Variants in ADCY6 observed in about 807,000 individuals in gnomAD.
ADCY6 encodes the protein adenylate cyclase 6.
A neutral mutation model predicts 111.6 loss-of-function variants in ADCY6; 59 were observed. The ratio of observed to expected loss-of-function variants is 0.53; its 90% CI spans 0.43 to 0.66. The LOEUF (loss-of-function observed/expected upper bound fraction) is 0.66. ADCY6 is among the 30% of genes least tolerant of loss of function. The pLI, the probability that ADCY6 is intolerant of heterozygous loss-of-function variation, is 0.00. For synonymous variants in ADCY6, 576 were observed against 642.9 expected, an observed-to-expected ratio of 0.90 and a Z score of 1.57; for missense variants, 1,242 against 1,595.6, an observed-to-expected ratio of 0.78 and a Z score of 3.78.
chr12:48,781,619 C>G (rs887853535), intron 2 of ADCY6, among the ~76,000 whole-genome samples: 1 of 152,170 alleles, frequency 6.6e-6, no homozygotes, highest in Admixed American at 6.5e-5. Flanking sequence ...ACTGCCCAGT[C>G]GGGTTCTACT....
intron 1 of ADCY6, among the ~76,000 whole-genome samples, chr12:48,788,689 G>C (rs1185214019): frequency 6.6e-6 from 1 of 152,064 alleles, no homozygotes; most frequent in Non-Finnish European, 1.5e-5. Context: ...GCGGGCGACG[G>C]GGGTGGCGAG....
rs770375351 is a variant in ADCY6, at chr12:48,783,076, C to A, written c.359G>T (p.Arg120Leu). 6 of 1,612,666 alleles carry A rather than the reference C, an allele frequency of 3.7e-6. 1 individual carries two copies. In the Admixed American group the frequency reaches 1.0e-4, roughly 27 times the overall value. ...CGACTGGAACACCTGCACCAGACGGCGCCAGCAGGATCGCCCACTCCTGGG... is the reference window on the plus strand; with the variant it reads ...CGACTGGAACACCTGCACCAGACGGAGCCAGCAGGATCGCCCACTCCTGGG... The part of the protein sequence containing the change: ...AVPRSGRSCW[R>L]RLVQVFQSKQ... The change falls in exon 2 of 22, where the codon CGC (arginine) becomes CTC (leucine). Residue 120 changes from arginine (R) to leucine (L), a missense_variant. Around this residue, in one of 4 missense-constraint regions of ADCY6, gnomAD observed 362 missense variants for 377.2 expected, o/e 0.96. Transcript: ENST00000357869.
rs1941702178 is a variant in ADCY6, at chr12:48,776,362, C to T, written c.1536-12G>A. The T allele has an allele frequency of 6.2e-7, 1 of 1,614,154 alleles. No homozygotes were observed. Among genetic ancestry groups the T allele is most frequent in the African/African-American group, 1.3e-5 (1 of 75,038 alleles). ...TGATGTGGATGCGGCTGTATGTGGC[C>T]AAGAGGGTGAGACCCTGGCTCTCCC... On this transcript the variant is annotated splice_polypyrimidine_tract_variant and intron_variant, in intron 7 of 21. Coordinates refer to ENST00000357869, the MANE Select transcript of ADCY6 (RefSeq NM_015270.5). This position sits in a 1 kb window ranked among gnomAD's most constrained non-coding sequence, Gnocchi z 6.1.
chr12:48,778,017 C>T, intron 3 of ADCY6, 91 bp downstream of exon 3: 3 of 1,495,002 alleles, frequency 2.0e-6, no homozygotes, highest in South Asian at 1.3e-5. Context: ...TCACACTGTG[C>T]TGCACGGAAC....
rs372946297 is a variant in ADCY6, at chr12:48,770,836, G to A, written c.3186C>T (p.Tyr1062=). 4.2e-5 allele frequency: 68 copies of A among 1,614,144 alleles called. 1 individual carries two copies. The highest frequency in any genetic ancestry group is 1.6e-4 in the East Asian group (7 of 44,904). The change falls in exon 20 of 22, where the codon TAC becomes TAT. Residue 1062 remains tyrosine, a synonymous_variant. Transcript: ENST00000357869. ...GRSHITALAD[Y]AMRLMEQMKH... ...TCATCTGCTCCATGAGCCGCATGGC[G>A]TAGTCAGCCAGGGCAGTGATGTGGG... is the stretch of plus-strand genomic sequence containing the variant.
In ADCY6 at chr12:48,772,324, C is replaced by T; in HGVS notation, c.2758G>A (p.Ala920Thr). 6.2e-7 allele frequency: 1 copy of T among 1,613,816 alleles called. No homozygotes were observed. Among genetic ancestry groups the T allele is most frequent in the Non-Finnish European group, 8.5e-7 (1 of 1,179,844 alleles). ...YLHAQQVESTARLDFLWKLQA... is the reference protein window; with the variant it reads ...YLHAQQVESTTRLDFLWKLQA... Reference sequence around the variant, plus strand: ...AGTTTCCAGAGGAAGTCTAGGCGGGCAGTCGACTCCACCTGCTGAGCATGC... The same window carrying T: ...AGTTTCCAGAGGAAGTCTAGGCGGGTAGTCGACTCCACCTGCTGAGCATGC... Residue 920 changes from alanine to threonine, a missense_variant, in exon 18 of 22, where the codon GCC becomes ACC. Ala to Thr is a moderately conservative substitution (Grantham distance 58). Transcript: ENST00000357869.
Position 48,771,070 on chromosome 12 carries a change from T to G in ADCY6, c.3052-100A>C. The stretch of plus-strand genomic sequence containing the variant: ...CCACGCCTTGGCTGCCTTCCCCACT[T>G]CCCTGTCTCAAGAGCCCCCTTCCAG... On this transcript the variant is annotated intron_variant, in intron 19 of 21. Coordinates refer to ENST00000357869, the MANE Select transcript of ADCY6 (RefSeq NM_015270.5). The surrounding 1 kb of genome is among the most constrained non-coding windows in gnomAD (Gnocchi z 4.3). 8.3e-7 allele frequency: 1 copy of G among 1,209,902 alleles called. No individual in the cohort carries two copies. The highest frequency in any genetic ancestry group is 1.2e-6 in the Non-Finnish European group (1 of 857,808). 74.9% of individuals were successfully genotyped at this position (1,209,902 alleles called of 1,614,324 possible).
chr12:48,770,629 T>C, intron 20 of ADCY6, 137 bp downstream of exon 20: 1 of 806,046 alleles, frequency 1.2e-6, no homozygotes, highest in East Asian at 2.5e-5. Context: ...AATATCAGAC[T>C]TGATATAGGA....
In ADCY6 at chr12:48,771,566, G is replaced by A. The variant is rs1268922342; in HGVS notation, c.3051+144C>T. 3.7e-6 allele frequency: 5 copies of A among 1,344,846 alleles called. No individual in the cohort carries two copies. In the Admixed American group the frequency reaches 6.9e-5, roughly 19 times the overall value. The allele number at this position is 1,344,846 out of a possible 1,614,324, so 83.3% of individuals were successfully genotyped here. On this transcript the variant is annotated intron_variant, in intron 19 of 21. Transcript: ENST00000357869. The surrounding 1 kb of genome is among the most constrained non-coding windows in gnomAD (Gnocchi z 4.3). The stretch of plus-strand genomic sequence containing the variant: ...GACACCTTCATGGGTTCTTGCCTCT[G>A]CCTCCACTGTGCATACCCTTACCCC...
At chr12:48,769,589 C>CTTT (rs1372908998) in intron 20 of ADCY6, among the ~76,000 whole-genome samples, 10 of 138,848 alleles carry the variant, frequency 7.2e-5, no homozygotes, top group African/African-American at 2.4e-4. Flanking sequence ...CCTTTCTTTT[C>CTTT]TTTTTTTTTT....
At chr12:48,773,412 G>T in intron 16 of ADCY6, 57 bp downstream of exon 16, 1 of 1,567,880 alleles carries the variant, frequency 6.4e-7, no homozygotes, top group East Asian at 2.2e-5. Context: ...GGCTCACAGT[G>T]ACCTAGAAAG....
In ADCY6 at chr12:48,766,310, G is replaced by T. The variant is rs373941978; in HGVS notation, c.*2281C>A. 6.6e-6 allele frequency: 1 copy of T among 152,428 alleles called. No homozygotes were observed. Among genetic ancestry groups the T allele is most frequent in the African/African-American group, 2.4e-5 (1 of 41,370 alleles). The allele number at this position is 152,428 out of a possible 1,614,324, so 9.4% of individuals were successfully genotyped here. On this transcript the variant is annotated 3_prime_UTR_variant, in exon 22 of 22. Coordinates refer to ENST00000357869, the MANE Select transcript of ADCY6 (RefSeq NM_015270.5). ...GTTACATTATAAAACCAAAGCCCAC[G>T]GCCTCCCACCTCCTGACTCCTCTAC...
rs1343417752 is a variant in ADCY6 at position 48,772,146 on chromosome 12, G to T, written c.2787+149C>A. On this transcript the variant is annotated intron_variant, in intron 18 of 21. Coordinates refer to ENST00000357869, the MANE Select transcript of ADCY6 (RefSeq NM_015270.5). ...GGGGGCAGGTAGAGGATGGGGCAGGGAGTAAGGGATGGGCACAGAGAAGGA... is the reference window on the plus strand; with the variant it reads ...GGGGGCAGGTAGAGGATGGGGCAGGTAGTAAGGGATGGGCACAGAGAAGGA... 6 of 1,394,392 alleles carry T rather than the reference G, an allele frequency of 4.3e-6. No homozygotes were observed. In the East Asian group the frequency reaches 1.2e-4, roughly 27 times the overall value. 86.4% of individuals were successfully genotyped at this position (1,394,392 alleles called of 1,614,324 possible). A position where few individuals can be genotyped will look rare whatever the true frequency, so the allele number is the denominator to read the frequency against.
intron 2 of ADCY6, among the ~76,000 whole-genome samples, chr12:48,781,917 G>A (rs1415890980): frequency 6.6e-6 from 1 of 152,170 alleles, no homozygotes; most frequent in Non-Finnish European, 1.5e-5. Flanking sequence ...GGGAAGGTGG[G>A]ATACGATCAG....
At chr12:48,781,059 A>G (rs951292867) in intron 2 of ADCY6, among the ~76,000 whole-genome samples, 11 of 152,010 alleles carry the variant, frequency 7.2e-5, no homozygotes, top group African/African-American at 2.7e-4. Context: ...TTAGCTGGGC[A>G]TGGTGGCGCG....
rs142026522 is a variant in ADCY6 at position 48,777,900 on chromosome 12, C to T, written c.1015-164G>A. Among the ~76,000 whole-genome samples, 1 of 152,154 alleles carries T rather than the reference C, an allele frequency of 6.6e-6. No homozygotes were observed. Among genetic ancestry groups the T allele is most frequent in the Non-Finnish European group, 1.5e-5 (1 of 68,024 alleles). On this transcript the variant is annotated intron_variant, in intron 3 of 21. Coordinates refer to ENST00000357869, the MANE Select transcript of ADCY6 (RefSeq NM_015270.5). The surrounding 1 kb of genome is among the most constrained non-coding windows in gnomAD (Gnocchi z 4.9). ...CCCCCATCAGAGCCCCCTCTGACCA[C>T]CCTCCATTGAGCCCCCAGATGTGCT...
rs1427065878 is a variant in ADCY6 at position 48,766,507 on chromosome 12, T to C, written c.*2084A>G. 1 of 152,638 alleles carries C rather than the reference T, an allele frequency of 6.6e-6. No homozygotes were observed. Among genetic ancestry groups the C allele is most frequent in the African/African-American group, 2.4e-5 (1 of 41,452 alleles). The allele number at this position is 152,638 out of a possible 1,614,324, so 9.5% of individuals were successfully genotyped here. A position where few individuals can be genotyped will look rare whatever the true frequency, so the allele number is the denominator to read the frequency against. Reference sequence around the variant, plus strand: ...TACTTATACCCTCACCCCTACCCCATGGCACCAAGTAGTCTCTTCCTATCC... The same window carrying C: ...TACTTATACCCTCACCCCTACCCCACGGCACCAAGTAGTCTCTTCCTATCC... On this transcript the variant is annotated 3_prime_UTR_variant, in exon 22 of 22. Transcript: ENST00000357869.
intron 2 of ADCY6, among the ~76,000 whole-genome samples, chr12:48,779,054 A>AC (rs1941781273): frequency 2.7e-5 from 4 of 150,764 alleles, no homozygotes; most frequent in African/African-American, 7.3e-5. Flanking sequence ...ATTTTTGTAT[A>AC]TTTTTTTAGT....
intron 14 of ADCY6, 74 bp downstream of exon 14, chr12:48,774,328 T>C: frequency 7.0e-7 from 1 of 1,424,596 alleles, no homozygotes; most frequent in Non-Finnish European, 9.9e-7. Context: ...TGTCCTTTTC[T>C]CCGCTGTACT....
Sources: gnomAD v4.1 joint callset for allele counts (sites outside exome capture counted in the v4.1 genomes callset) on GRCh38, gnomAD v4.1.1 for gene constraint, gnomAD v4.1.1 regional missense constraint, Gnocchi (gnomAD v3.1) non-coding constraint, MANE v1.5 for transcripts, NCBI Gene and HGNC (gene_info 2026-07-23, HGNC 2026-07-21) for gene names.